CEP162: variants seen among roughly 807,000 people sequenced by gnomAD.
CEP162 encodes centrosomal protein of 162 kDa.
CEP162 carries 141 observed loss-of-function variants against 169.2 expected under a neutral mutation model. The ratio of observed to expected loss-of-function variants is 0.83; its 90% CI spans 0.73 to 0.96. The LOEUF is 0.96. Among genes scored for constraint, CEP162 ranks in the 40% least tolerant of loss-of-function variants. The pLI, the probability that CEP162 is intolerant of heterozygous loss-of-function variation, is 0.00. For synonymous variants in CEP162, 540 were observed against 526.4 expected, an observed-to-expected ratio of 1.03 and a Z score of -0.35; for missense variants, 1,600 against 1,587.2, an observed-to-expected ratio of 1.01 and a Z score of -0.14.
chr6:84,174,007 G>A, intron 16 of CEP162, 41 bp downstream of exon 16: 1 of 1,563,594 alleles, frequency 6.4e-7, no homozygotes, highest in South Asian at 1.1e-5. Context: ...ATAACTAAAA[G>A]ATCAAGAGTA....
At position 84,215,374 on chromosome 6, in the gene CEP162, C is replaced by G; in HGVS notation, c.411G>C (p.Arg137Ser). 6.2e-7 allele frequency: 1 copy of G among 1,607,402 alleles called. No homozygotes were observed. Among genetic ancestry groups the G allele is most frequent in the Non-Finnish European group, 8.5e-7 (1 of 1,176,148 alleles). Residue 137 changes from arginine to serine, a missense_variant, in exon 5 of 27, where the codon AGG becomes AGC. Arg to Ser is a moderately radical substitution (Grantham distance 110). Transcript: ENST00000403245. ...EQEEKEQFFA[R>S]LEKGLTSSID... The stretch of plus-strand genomic sequence containing the variant: ...TGGAAGATGTCAAGCCTTTCTCAAG[C>G]CTGGCAAAAAATTGTTCTTTCTCCT...
chr6:84,125,220 T>C lies in CEP162; in HGVS notation c.4062A>G (p.Lys1354=), dbSNP rs2099508432. The C allele has an allele frequency of 2.5e-6, 4 of 1,613,546 alleles. No individual in the cohort carries two copies. The highest frequency in any genetic ancestry group is 1.7e-5 in the Admixed American group (1 of 59,918). ...VETEQNKEVE[K]WKRLAQLKNR... is the part of the protein sequence containing the mutation. ...TCTTTAACTGTGCCAGTCTTTTCCA[T>C]TTTTCAACTTCTTTGTTTTGCTCAG... is the stretch of plus-strand genomic sequence containing the variant. The change falls in exon 27 of 27, where the codon AAA becomes AAG. Residue 1354 remains lysine (K), a synonymous_variant. Coordinates refer to ENST00000403245, the MANE Select transcript of CEP162 (RefSeq NM_014895.4).
chr6:84,144,017 T>C (rs938039723), intron 25 of CEP162, among the ~76,000 whole-genome samples: 1 of 152,006 alleles, frequency 6.6e-6, no homozygotes, highest in African/African-American at 2.4e-5. Context: ...AAGTATTGTT[T>C]CATAATGACC....
chr6:84,207,217 G>T (rs990128785), intron 6 of CEP162, among the ~76,000 whole-genome samples: 5 of 152,012 alleles, frequency 3.3e-5, no homozygotes, highest in Admixed American at 6.6e-5. Flanking sequence ...CCCATTACTG[G>T]GTATATACCC....
chr6:84,226,313 T>C lies in CEP162; in HGVS notation c.57+24A>G, dbSNP rs145021615. On this transcript the variant is annotated intron_variant, in intron 2 of 26. Transcript: ENST00000403245. The stretch of plus-strand genomic sequence containing the variant: ...GTCTTTTGAGACAAATTTGACAATA[T>C]AGCTTTTAAAAATATAAACTTACCT... 134 of 1,460,788 alleles carry C rather than the reference T, an allele frequency of 9.2e-5. 1 individual carries two copies. The East Asian group carries it at 2.9e-3, about 31-fold the overall frequency. 90.5% of individuals were successfully genotyped at this position (1,460,788 alleles called of 1,614,324 possible). A position where few individuals can be genotyped will look rare whatever the true frequency, so the allele number is the denominator to read the frequency against.
Position 84,192,121 on chromosome 6 carries a change from G to A in CEP162, c.1109+1488C>T, listed in dbSNP as rs79640887. Among the ~76,000 whole-genome samples, 990 of 152,280 alleles carry A rather than the reference G, an allele frequency of 6.5e-3. 7 individuals are homozygous for A. The highest frequency in any genetic ancestry group is 0.023 in the African/African-American group (941 of 41,558). On this transcript the variant is annotated intron_variant, in intron 11 of 26. Coordinates refer to ENST00000403245, the MANE Select transcript of CEP162 (RefSeq NM_014895.4). ...CCACTGACCCACAAGGGATAGTGAT[G>A]TGAGCAAGAAATACATTTTTGATGA... is the stretch of plus-strand genomic sequence containing the variant.
At chr6:84,191,308 A>G (rs1397537216) in intron 11 of CEP162, among the ~76,000 whole-genome samples, 1 of 152,212 alleles carries the variant, frequency 6.6e-6, no homozygotes, top group Non-Finnish European at 1.5e-5. Flanking sequence ...TGGTGATAAC[A>G]TACAAGACAA....
intron 6 of CEP162, among the ~76,000 whole-genome samples, chr6:84,208,058 T>C (rs1210262394): frequency 6.7e-6 from 1 of 150,094 alleles, no homozygotes; most frequent in Admixed American, 6.6e-5. Context: ...GTATCTCTAC[T>C]GTAAGTCTTA....
In CEP162 at chr6:84,221,098, GT is replaced by G; in HGVS notation, c.130del (p.Thr44GlnfsTer6). On this transcript the variant is annotated frameshift_variant, in exon 3 of 27. Transcript: ENST00000403245. LOFTEE classifies it high-confidence loss of function. ...QSKKEMKKKD[T>X]VPWWITEDDF... The stretch of plus-strand genomic sequence containing the variant: ...ATCTTCAGTTATCCACCAAGGCACT[GT>G]ATCTTTCTTCTTCATCTCTTTTTTA... The G allele has an allele frequency of 1.2e-6, 2 of 1,601,836 alleles. No homozygotes were observed. The highest frequency in any genetic ancestry group is 1.7e-6 in the Non-Finnish European group (2 of 1,169,650).
chr6:84,224,690 A>G (rs1185679963), intron 2 of CEP162, among the ~76,000 whole-genome samples: 2 of 148,468 alleles, frequency 1.3e-5, no homozygotes, highest in African/African-American at 2.5e-5. Flanking sequence ...CTTTCACAGT[A>G]AAAAAAAAAT....
chr6:84,186,143 G>T (rs1372891201), intron 12 of CEP162, among the ~76,000 whole-genome samples, 189 bp downstream of exon 12: 6 of 152,048 alleles, frequency 3.9e-5, no homozygotes, highest in African/African-American at 1.2e-4. Flanking sequence ...TGTTATGGTG[G>T]TATTTTTGAA....
chr6:84,190,493 G>A (rs1247193448), intron 11 of CEP162, among the ~76,000 whole-genome samples: 1 of 152,132 alleles, frequency 6.6e-6, no homozygotes, highest in Non-Finnish European at 1.5e-5. Flanking sequence ...GGTCCACGCT[G>A]CTTTTATGAG....
intron 9 of CEP162, among the ~76,000 whole-genome samples, chr6:84,195,457 C>T (rs968595477): frequency 8.5e-5 from 13 of 152,208 alleles, no homozygotes; most frequent in African/African-American, 2.7e-4. Context: ...TTGTCATTTG[C>T]ACTTTTTCAA....
At chr6:84,195,184 G>A (rs907599204) in intron 9 of CEP162, 109 bp from the exon 10 acceptor site, 1 of 905,876 alleles carries the variant, frequency 1.1e-6, no homozygotes, top group African/African-American at 1.7e-5. Context: ...GTAGAGTTAA[G>A]TACTAACTAG....
intron 21 of CEP162, among the ~76,000 whole-genome samples, chr6:84,156,903 C>G (rs2129205626): frequency 1.3e-5 from 2 of 152,098 alleles, no homozygotes; most frequent in South Asian, 4.2e-4. Context: ...AAAGTGGGAG[C>G]TAAACAATGT....
chr6:84,212,130 A>G (rs1388516878), intron 6 of CEP162, among the ~76,000 whole-genome samples: 1 of 152,184 alleles, frequency 6.6e-6, no homozygotes, highest in Non-Finnish European at 1.5e-5. Context: ...AAAAGCTGAG[A>G]GAACTTGTTC....
chr6:84,185,430 T>A lies in CEP162; in HGVS notation c.1420A>T (p.Ser474Cys). ...ATTACAGCCCCTTCTTCTTCAGAACTAAGTTGAGATCTGTAAGTCTGTACA... is the reference window on the plus strand; with the variant it reads ...ATTACAGCCCCTTCTTCTTCAGAACAAAGTTGAGATCTGTAAGTCTGTACA... ...KINKTYRSQL[S>C]SEEEGAVMGK... Residue 474 changes from serine (S) to cysteine (C), a missense_variant, in exon 13 of 27, where the codon AGT becomes TGT. Physicochemically the swap from Ser to Cys is moderately radical, Grantham distance 112. Coordinates refer to ENST00000403245, the MANE Select transcript of CEP162 (RefSeq NM_014895.4). The A allele has an allele frequency of 6.2e-7, 1 of 1,613,328 alleles. No individual in the cohort carries two copies. The highest frequency in any genetic ancestry group is 1.1e-5 in the South Asian group (1 of 91,048).
At chr6:84,130,574 G>A (rs534296983) in intron 25 of CEP162, among the ~76,000 whole-genome samples, 9 of 152,182 alleles carry the variant, frequency 5.9e-5, no homozygotes, top group South Asian at 2.1e-4. Context: ...CTTCTTCCTC[G>A]TTTAGACTTG....
rs115733206 is a variant in CEP162, at chr6:84,128,463, T to C, written c.3871-1951A>G. Among the ~76,000 whole-genome samples the C allele has an allele frequency of 1.9e-3, 295 of 152,166 alleles. 1 individual carries two copies. Among genetic ancestry groups the C allele is most frequent in the African/African-American group, 6.8e-3 (283 of 41,516 alleles). ...ACAATAGGGGATTTGTGAAATAAAT[T>C]AGTAATGATTAATAAGAGCCTGAGA... is the stretch of plus-strand genomic sequence containing the variant. On this transcript the variant is annotated intron_variant, in intron 25 of 26. Transcript: ENST00000403245.
Sources: allele counts gnomAD v4.1 joint callset (sites outside exome capture counted in the v4.1 genomes callset), GRCh38; gene constraint gnomAD v4.1.1; transcripts MANE v1.5; gene names NCBI Gene and HGNC (gene_info 2026-07-23, HGNC 2026-07-21).